The following AGAP1 variants were observed in gnomAD, a reference collection of about 807,000 sequenced individuals.
AGAP1 encodes arf-GAP with GTPase, ANK repeat and PH domain-containing protein 1.
In AGAP1, 29 loss-of-function variants were observed where a neutral mutation model predicts 105.3. The ratio of observed to expected loss-of-function variants is 0.28; its 90% CI spans 0.21 to 0.38. AGAP1 has a LOEUF of 0.38. AGAP1 is among the 10% of genes least tolerant of loss of function. The probability of loss-of-function intolerance (pLI) is 1.00; values close to 1 mark genes in which losing one functional copy is unlikely to be tolerated. For synonymous variants in AGAP1, 509 were observed against 485.9 expected, an observed-to-expected ratio of 1.05 and a Z score of -0.63; for missense variants, 998 against 1,165.1, an observed-to-expected ratio of 0.86 and a Z score of 2.09.
At chr2:235,598,009 C>T (rs1307359558) in intron 1 of AGAP1, among the ~76,000 whole-genome samples, 2 of 130,952 alleles carry the variant, frequency 1.5e-5, no homozygotes, top group Non-Finnish European at 3.2e-5. Context: ...AGCGTGCACG[C>T]GCTCCCGTGT....
In AGAP1 at chr2:236,083,016, G is replaced by A. The variant is rs190730920; in HGVS notation, c.2114+33735G>A. 3.2e-3 allele frequency among the ~76,000 whole-genome samples: 488 copies of A among 152,110 alleles called. No homozygotes were observed. The highest frequency in any genetic ancestry group is 5.6e-3 in the Non-Finnish European group (384 of 68,006). On this transcript the variant is annotated intron_variant, in intron 16 of 17. Transcript: ENST00000304032. The surrounding 1 kb of genome is among the most constrained non-coding windows in gnomAD (Gnocchi z 5.3). ...ACTAAAAATACAAAATTAGGCAGGC[G>A]TGGTGGTGCACGCCTGTAATCCCAG...
intron 9 of AGAP1, among the ~76,000 whole-genome samples, chr2:235,849,835 G>C (rs1386815895): frequency 2.0e-5 from 3 of 152,224 alleles, no homozygotes; most frequent in Admixed American, 6.5e-5. Flanking sequence ...AGCATGGTCT[G>C]GGCGCCCAGT....
chr2:235,585,311 C>G (rs374406600), intron 1 of AGAP1, among the ~76,000 whole-genome samples: 1 of 152,158 alleles, frequency 6.6e-6, no homozygotes, highest in African/African-American at 2.4e-5. Context: ...GCATTCCTGG[C>G]CTTAGCTCTG....
chr2:236,099,433 C>T (rs939731829), intron 16 of AGAP1, among the ~76,000 whole-genome samples: 5 of 151,228 alleles, frequency 3.3e-5, no homozygotes, highest in African/African-American at 1.2e-4. Context: ...CCAGCCTGGG[C>T]GACAGAGCGA....
chr2:235,761,073 C>T (rs1479321205), intron 6 of AGAP1, among the ~76,000 whole-genome samples: 1 of 152,004 alleles, frequency 6.6e-6, no homozygotes, highest in African/African-American at 2.4e-5. Context: ...AGAGTGACAC[C>T]CAAGGAACCT....
Position 236,034,708 on chromosome 2 carries a change from G to A in AGAP1, c.1646-1853G>A, listed in dbSNP as rs116313599. Among the ~76,000 whole-genome samples, 1,256 of 152,272 alleles carry A rather than the reference G, an allele frequency of 8.2e-3. 13 individuals are homozygous for A. The highest frequency in any genetic ancestry group is 0.027 in the African/African-American group (1,131 of 41,536). ...CAAGGACAGGGTGGGTCTCAGTGCC[G>A]ACACCCCAAGCGGGGCTAACCAGCC... On this transcript the variant is annotated intron_variant, in intron 13 of 17. Transcript: ENST00000304032.
In AGAP1 at chr2:236,127,599, C is replaced by A. The variant is rs1278445569; in HGVS notation, c.*3477C>A. On this transcript the variant is annotated 3_prime_UTR_variant, in exon 18 of 18. Coordinates refer to ENST00000304032, the MANE Select transcript of AGAP1 (RefSeq NM_001037131.3). The surrounding 1 kb of genome is among the most constrained non-coding windows in gnomAD (Gnocchi z 6.6). ...GGGCCTTGCATTGAAGCTCCCTCTT[C>A]TGAGATTTCACCCAGCCTGATGAGG... 2 of 152,232 alleles carry A rather than the reference C, an allele frequency of 1.3e-5. No individual in the cohort carries two copies. Among genetic ancestry groups the A allele is most frequent in the East Asian group, 3.9e-4 (2 of 5,188 alleles). The allele number at this position is 152,232 out of a possible 1,614,324, so 9.4% of individuals were successfully genotyped here.
rs904682763 is a variant in AGAP1, at chr2:235,608,838, C to T, written c.164-100341C>T. 6.6e-6 allele frequency among the ~76,000 whole-genome samples: 1 copy of T among 152,108 alleles called. No homozygotes were observed. The highest frequency in any genetic ancestry group is 2.1e-4 in the South Asian group (1 of 4,822). ...GAGATCAGGGGACAAGGGTGAAATT[C>T]GAATAGATTGTACGAAGGTTTGAGA... On this transcript the variant is annotated intron_variant, in intron 1 of 17. Transcript: ENST00000304032. This position sits in a 1 kb window ranked among gnomAD's most constrained non-coding sequence, Gnocchi z 5.4.
rs987479427 is a variant in AGAP1, at chr2:236,062,057, C to G, written c.2114+12776C>G. 2.0e-5 allele frequency among the ~76,000 whole-genome samples: 3 copies of G among 152,064 alleles called. No homozygotes were observed. Among genetic ancestry groups the G allele is most frequent in the Non-Finnish European group, 4.4e-5 (3 of 68,024 alleles). Reference sequence around the variant, plus strand: ...CAGGCCTGGGGAGTAGAGCTCTGAGCAGGATGTGCACTGCAGCCAAATTCC... The same window carrying G: ...CAGGCCTGGGGAGTAGAGCTCTGAGGAGGATGTGCACTGCAGCCAAATTCC... On this transcript the variant is annotated intron_variant, in intron 16 of 17. Coordinates refer to ENST00000304032, the MANE Select transcript of AGAP1 (RefSeq NM_001037131.3). The surrounding 1 kb of genome is among the most constrained non-coding windows in gnomAD (Gnocchi z 4.2).
chr2:235,619,644 C>T (rs1187711163), intron 1 of AGAP1, among the ~76,000 whole-genome samples: 3 of 152,208 alleles, frequency 2.0e-5, no homozygotes, highest in Admixed American at 6.5e-5. Context: ...AGATGCAGCT[C>T]TTTTCCCCAT....
chr2:235,777,171 A>G lies in AGAP1; in HGVS notation c.674-20588A>G, dbSNP rs918245400. On this transcript the variant is annotated intron_variant, in intron 6 of 17. Coordinates refer to ENST00000304032, the MANE Select transcript of AGAP1 (RefSeq NM_001037131.3). The surrounding 1 kb of genome is among the most constrained non-coding windows in gnomAD (Gnocchi z 5.1). ...CAGGAGATCGAGACCATCCTGGCTA[A>G]CACAGTGAAACCCTGTCTCTACTAA... 1.0e-4 allele frequency: 42 copies of G among 405,534 alleles called. No homozygotes were observed. The highest frequency in any genetic ancestry group is 7.7e-4 in the African/African-American group (37 of 48,252). The allele number at this position is 405,534 out of a possible 1,614,324, so 25.1% of individuals were successfully genotyped here. A position where few individuals can be genotyped will look rare whatever the true frequency, so the allele number is the denominator to read the frequency against.
intron 9 of AGAP1, among the ~76,000 whole-genome samples, chr2:235,821,447 G>T (rs903156377): frequency 6.7e-6 from 1 of 149,352 alleles, no homozygotes; most frequent in Non-Finnish European, 1.5e-5. Context: ...GCAGTGGTGC[G>T]ATCTTGGCTC....
In AGAP1 at chr2:235,777,669, C is replaced by G. The variant is rs888334202; in HGVS notation, c.674-20090C>G. Among the ~76,000 whole-genome samples, 12 of 152,188 alleles carry G rather than the reference C, an allele frequency of 7.9e-5. No individual in the cohort carries two copies. The highest frequency in any genetic ancestry group is 2.9e-4 in the African/African-American group (12 of 41,446). The stretch of plus-strand genomic sequence containing the variant: ...CCTTCAGCTGTCACCTGAGCACGTT[C>G]AAGCCTCCTGCCCAGCACCTTCCTA... On this transcript the variant is annotated intron_variant, in intron 6 of 17. Coordinates refer to ENST00000304032, the MANE Select transcript of AGAP1 (RefSeq NM_001037131.3). The surrounding 1 kb of genome is among the most constrained non-coding windows in gnomAD (Gnocchi z 5.1).
chr2:235,547,713 G>T (rs936543510), intron 1 of AGAP1, among the ~76,000 whole-genome samples: 2 of 152,104 alleles, frequency 1.3e-5, no homozygotes, highest in Non-Finnish European at 2.9e-5. Context: ...GGCTGGTCTC[G>T]AACTCCTGAC....
In AGAP1 at chr2:235,514,075, C is replaced by G. The variant is rs1942268538; in HGVS notation, c.163+19226C>G. 2.6e-5 allele frequency among the ~76,000 whole-genome samples: 4 copies of G among 152,176 alleles called. No individual in the cohort carries two copies. In the South Asian group the frequency reaches 8.3e-4, roughly 32 times the overall value. ...CCTGTGGGTGTTTATGTGTACAGAA[C>G]ACATGTATCTGTATTTACGTGACTG... On this transcript the variant is annotated intron_variant, in intron 1 of 17. Coordinates refer to ENST00000304032, the MANE Select transcript of AGAP1 (RefSeq NM_001037131.3).
intron 1 of AGAP1, among the ~76,000 whole-genome samples, chr2:235,597,244 C>A (rs1945555221): frequency 6.6e-6 from 1 of 152,244 alleles, no homozygotes; most frequent in African/African-American, 2.4e-5. Context: ...GCTGGGGGCA[C>A]TGGAGGTGCT....
intron 1 of AGAP1, among the ~76,000 whole-genome samples, chr2:235,584,902 C>CTTTTT (rs10629736): frequency 4.8e-4 from 47 of 98,506 alleles, no homozygotes; most frequent in African/African-American, 1.4e-3. Flanking sequence ...AAGTCATTAC[C>CTTTTT]TTTTTTTTTT....
intron 1 of AGAP1, among the ~76,000 whole-genome samples, chr2:235,498,284 T>C (rs1941408292): frequency 6.6e-6 from 1 of 152,124 alleles, no homozygotes; most frequent in South Asian, 2.1e-4. Context: ...AATTTTTGTT[T>C]TGTACATTGA....
rs1417616538 is a variant in AGAP1 at position 235,953,229 on chromosome 2, G to A, written c.1484-15233G>A. 6.6e-6 allele frequency among the ~76,000 whole-genome samples: 1 copy of A among 152,130 alleles called. No individual in the cohort carries two copies. Among genetic ancestry groups the A allele is most frequent in the Non-Finnish European group, 1.5e-5 (1 of 68,018 alleles). ...GGTGTTTACAAAATATTTCTATGAG[G>A]ACAGATAAGGGGGAATGAATTTTGC... On this transcript the variant is annotated intron_variant, in intron 12 of 17. Transcript: ENST00000304032. This position sits in a 1 kb window ranked among gnomAD's most constrained non-coding sequence, Gnocchi z 5.2.
Sources: gnomAD v4.1 joint callset for allele counts (sites outside exome capture counted in the v4.1 genomes callset) on GRCh38, gnomAD v4.1.1 for gene constraint, Gnocchi (gnomAD v3.1) non-coding constraint, MANE v1.5 for transcripts, NCBI Gene and HGNC (gene_info 2026-07-23, HGNC 2026-07-21) for gene names.